Variants in PCSK5 observed in about 807,000 individuals in gnomAD.
The protein encoded by PCSK5 is proprotein convertase subtilisin/kexin type 5.
PCSK5 carries 129 observed loss-of-function variants against 233.2 expected under a neutral mutation model. That is an observed-to-expected ratio of 0.55 (90% CI 0.48 to 0.64). The LOEUF (loss-of-function observed/expected upper bound fraction) is 0.64, where lower values mean the gene tolerates loss of function less well. Ranked by LOEUF, PCSK5 falls within the 30% of genes least tolerant of loss-of-function variation. The pLI is 0.00. For missense variants in PCSK5, 2,076 were observed against 2,430.1 expected, an observed-to-expected ratio of 0.85 and a Z score of 3.06; for synonymous variants, 825 against 879.2, an observed-to-expected ratio of 0.94 and a Z score of 1.09.
chr9:75,895,721 C>T (rs1387497050), intron 1 of PCSK5, among the ~76,000 whole-genome samples: 1 of 152,150 alleles, frequency 6.6e-6, no homozygotes, highest in African/African-American at 2.4e-5. Flanking sequence ...ATCATATTCG[C>T]ATTTACATTT....
rs547981476 is a variant in PCSK5 at position 76,214,108 on chromosome 9, T to A, written c.2627-13395T>A. ...CTGGACAAGACTTAGATTTGAACAC[T>A]TGATTCTACATTGGCTAGTTTTCTT... On this transcript the variant is annotated intron_variant, in intron 20 of 37. Coordinates refer to ENST00000674117, the MANE Select transcript of PCSK5 (RefSeq NM_001372043.1). Among the ~76,000 whole-genome samples, 204 of 152,262 alleles carry A rather than the reference T, an allele frequency of 1.3e-3. 2 individuals carry two copies. Among genetic ancestry groups the A allele is most frequent in the Non-Finnish European group, 2.4e-3 (164 of 68,018 alleles).
At chr9:75,926,916 A>T (rs1188974808) in intron 1 of PCSK5, among the ~76,000 whole-genome samples, 1 of 152,186 alleles carries the variant, frequency 6.6e-6, no homozygotes, top group African/African-American at 2.4e-5. Context: ...GGCTACTATT[A>T]AGAAAATTCT....
At chr9:76,309,563 A>G (rs1242137629) in intron 29 of PCSK5, among the ~76,000 whole-genome samples, 1 of 152,094 alleles carries the variant, frequency 6.6e-6, no homozygotes, top group African/African-American at 2.4e-5. Flanking sequence ...ATGTGTTGGC[A>G]CATGCCTGTA....
Position 76,227,502 on chromosome 9 carries a change from G to A in PCSK5, c.2627-1G>A. ...ATAAACAACTAGATTTTGTTCCCCA[G>A]GAGAATATGTTGATGAGCATGGCCA... On this transcript the variant is annotated splice_acceptor_variant, in intron 20 of 37. Coordinates refer to ENST00000674117, the MANE Select transcript of PCSK5 (RefSeq NM_001372043.1). LOFTEE classifies it high-confidence loss of function. 1.2e-6 allele frequency: 2 copies of A among 1,606,034 alleles called. No individual in the cohort carries two copies. The highest frequency in any genetic ancestry group is 1.7e-6 in the Non-Finnish European group (2 of 1,174,732).
intron 3 of PCSK5, among the ~76,000 whole-genome samples, chr9:75,998,065 G>A (rs1025927582): frequency 3.3e-5 from 5 of 152,158 alleles, no homozygotes; most frequent in Admixed American, 6.5e-5. Flanking sequence ...TAATAGTCTC[G>A]TTGCATGGTG....
chr9:76,017,750 A>ATG (rs144948031), intron 3 of PCSK5, among the ~76,000 whole-genome samples: 10 of 151,422 alleles, frequency 6.6e-5, no homozygotes, highest in Non-Finnish European at 1.3e-4. Context: ...GTGTGTGTGT[A>ATG]TGTGTGTGTG....
intron 30 of PCSK5, among the ~76,000 whole-genome samples, chr9:76,320,598 C>A (rs1387296524): frequency 6.7e-6 from 1 of 150,090 alleles, no homozygotes; most frequent in African/African-American, 2.4e-5. Context: ...CTCAGCCTCC[C>A]GAGTAGCTGG....
intron 30 of PCSK5, among the ~76,000 whole-genome samples, chr9:76,321,205 G>C (rs1034874557): frequency 6.6e-6 from 1 of 152,030 alleles, no homozygotes; most frequent in Non-Finnish European, 1.5e-5. Flanking sequence ...GTAATACTGG[G>C]GTCCCAAGAT....
chr9:75,974,326 G>T (rs1380555501), intron 2 of PCSK5, among the ~76,000 whole-genome samples: 1 of 152,138 alleles, frequency 6.6e-6, no homozygotes, highest in African/African-American at 2.4e-5. Flanking sequence ...GCTATGACCC[G>T]CAAGTTTTGT....
At chr9:76,356,419 G>A (rs1830305279) in intron 37 of PCSK5, among the ~76,000 whole-genome samples, 1 of 152,176 alleles carries the variant, frequency 6.6e-6, no homozygotes, top group Non-Finnish European at 1.5e-5. Flanking sequence ...GCAGACCTGG[G>A]ATGGAGAATA....
chr9:75,912,861 G>A (rs565812158), intron 1 of PCSK5, among the ~76,000 whole-genome samples: 28 of 152,116 alleles, frequency 1.8e-4, no homozygotes, highest in Non-Finnish European at 3.4e-4. Flanking sequence ...TTTTGTAAAT[G>A]ACAAAGGGAC....
chr9:76,025,893 A>G (rs1166549027), intron 4 of PCSK5, among the ~76,000 whole-genome samples: 1 of 152,154 alleles, frequency 6.6e-6, no homozygotes, highest in Non-Finnish European at 1.5e-5. Flanking sequence ...ATTATGAAAA[A>G]TAGCTCTAAC....
chr9:76,076,285 C>T (rs1018431541), intron 7 of PCSK5, among the ~76,000 whole-genome samples: 3 of 151,802 alleles, frequency 2.0e-5, no homozygotes, highest in Non-Finnish European at 2.9e-5. Flanking sequence ...CAGGGGCCAG[C>T]TCAGCAAGGC....
chr9:76,123,284 T>C (rs1018860271), intron 9 of PCSK5, among the ~76,000 whole-genome samples: 7 of 152,232 alleles, frequency 4.6e-5, no homozygotes, highest in Admixed American at 1.3e-4. Flanking sequence ...AAACGTTATA[T>C]TGTTTGCAAT....
At chr9:76,076,755 G>A (rs1293256379) in intron 7 of PCSK5, among the ~76,000 whole-genome samples, 1 of 152,070 alleles carries the variant, frequency 6.6e-6, no homozygotes. Context: ...TCAATTTATA[G>A]CCCTTTTAGA....
intron 8 of PCSK5, among the ~76,000 whole-genome samples, chr9:76,104,713 T>C (rs767775788): frequency 6.6e-6 from 1 of 152,186 alleles, no homozygotes; most frequent in Non-Finnish European, 1.5e-5. Flanking sequence ...TTTCTGTGCA[T>C]TGAAAATGTC....
At chr9:76,066,937 A>G (rs1050269173) in intron 5 of PCSK5, among the ~76,000 whole-genome samples, 3 of 152,136 alleles carry the variant, frequency 2.0e-5, no homozygotes, top group African/African-American at 7.2e-5. Flanking sequence ...CCTCCTCTCT[A>G]AAAATGAGGG....
chr9:75,992,401 C>T (rs892720401), intron 3 of PCSK5, among the ~76,000 whole-genome samples: 5 of 152,182 alleles, frequency 3.3e-5, no homozygotes, highest in African/African-American at 9.7e-5. Context: ...AAGATGACAA[C>T]TTAGAAATGA....
chr9:76,043,253 G>A (rs1392971399), intron 5 of PCSK5, among the ~76,000 whole-genome samples: 2 of 148,290 alleles, frequency 1.3e-5, no homozygotes, highest in African/African-American at 2.5e-5. Flanking sequence ...GGAGAATGGC[G>A]TGTACCCGGG....
Sources: gnomAD v4.1 joint callset for allele counts (sites outside exome capture counted in the v4.1 genomes callset) on GRCh38, gnomAD v4.1.1 for gene constraint, MANE v1.5 for transcripts, NCBI Gene and HGNC (gene_info 2026-07-23, HGNC 2026-07-21) for gene names.